The following TMTC4 variants were observed in gnomAD, a reference collection of about 807,000 sequenced individuals.
The protein encoded by TMTC4 is transmembrane O-mannosyltransferase targeting cadherins 4, also known as protein O-mannosyl-transferase TMTC4.
TMTC4 carries 65 observed loss-of-function variants against 86.0 expected under a neutral mutation model. That is an observed-to-expected ratio of 0.76 (90% CI 0.62 to 0.93). The LOEUF is 0.93. TMTC4 is among the 40% of genes least tolerant of loss of function. TMTC4 has a pLI of 0.00. For missense variants in TMTC4, 866 were observed against 948.1 expected, an observed-to-expected ratio of 0.91 and a Z score of 1.14; for synonymous variants, 379 against 382.5, an observed-to-expected ratio of 0.99 and a Z score of 0.11.
Position 100,622,599 on chromosome 13 carries a change from A to T in TMTC4, c.1836+2936T>A, listed in dbSNP as rs545393001. 2.6e-5 allele frequency among the ~76,000 whole-genome samples: 4 copies of T among 152,222 alleles called. No individual in the cohort carries two copies. In the South Asian group the frequency reaches 8.3e-4, roughly 32 times the overall value. On this transcript the variant is annotated intron_variant, in intron 15 of 18. Transcript: ENST00000342624. ...CTCTTATTTTCTTTTGTCTGCTGCCATGTAAGATGTGCCTTTCACCTTCCA... is the reference window on the plus strand; with the variant it reads ...CTCTTATTTTCTTTTGTCTGCTGCCTTGTAAGATGTGCCTTTCACCTTCCA...
Position 100,647,297 on chromosome 13 carries a change from C to T in TMTC4, c.641-4986G>A, listed in dbSNP as rs189925823. On this transcript the variant is annotated intron_variant, in intron 6 of 18. Transcript: ENST00000342624. ...AGAGCAAGAGACCCCTGGCCCCTGCCGGCCACTCTAGACCCAGCACGAGGA... is the reference window on the plus strand; with the variant it reads ...AGAGCAAGAGACCCCTGGCCCCTGCTGGCCACTCTAGACCCAGCACGAGGA... Among the ~76,000 whole-genome samples, 178 of 152,320 alleles carry T rather than the reference C, an allele frequency of 1.2e-3. 2 individuals carry two copies. Among genetic ancestry groups the T allele is most frequent in the Admixed American group, 9.1e-3 (140 of 15,302 alleles).
chr13:100,620,233 G>T (rs1328067819), intron 15 of TMTC4, among the ~76,000 whole-genome samples: 1 of 152,160 alleles, frequency 6.6e-6, no homozygotes, highest in Non-Finnish European at 1.5e-5. Context: ...TCACCCTTTT[G>T]TTCTGTTCTG....
chr13:100,610,800 A>G (rs567182654), intron 17 of TMTC4, among the ~76,000 whole-genome samples: 1 of 152,334 alleles, frequency 6.6e-6, no homozygotes, highest in East Asian at 1.9e-4. Flanking sequence ...AGTCTTCAAG[A>G]AGACTCGCTG....
intron 6 of TMTC4, among the ~76,000 whole-genome samples, chr13:100,651,196 G>GT: frequency 6.6e-6 from 1 of 152,230 alleles, no homozygotes; most frequent in African/African-American, 2.4e-5. Flanking sequence ...GTATTTTAAG[G>GT]TATCAGTTTA....
At chr13:100,662,585 CT>C (rs968278146) in intron 5 of TMTC4, among the ~76,000 whole-genome samples, 49 of 152,274 alleles carry the variant, frequency 3.2e-4, no homozygotes, top group African/African-American at 1.2e-3. Context: ...AAGAACAGTT[CT>C]TAGCCTCTGA....
chr13:100,656,295 G>A, intron 6 of TMTC4, 86 bp downstream of exon 6: 1 of 1,174,858 alleles, frequency 8.5e-7, no homozygotes, highest in Non-Finnish European at 1.2e-6. Flanking sequence ...CACATAGATG[G>A]ATTCTTTCCC....
intron 12 of TMTC4, among the ~76,000 whole-genome samples, chr13:100,629,657 CTTTTTA>C (rs1316116659): frequency 6.6e-6 from 1 of 152,120 alleles, no homozygotes; most frequent in African/African-American, 2.4e-5. Context: ...AATCACATTT[CTTTTTA>C]TATGTTATTG....
At chr13:100,608,528 C>T (rs958164101) in intron 17 of TMTC4, among the ~76,000 whole-genome samples, 2 of 152,132 alleles carry the variant, frequency 1.3e-5, no homozygotes, top group African/African-American at 4.8e-5. Context: ...GTGGGTGGGT[C>T]GGCCTGGCTC....
At chr13:100,616,053 A>G (rs980971183) in intron 15 of TMTC4, among the ~76,000 whole-genome samples, 1 of 148,592 alleles carries the variant, frequency 6.7e-6, no homozygotes, top group African/African-American at 2.5e-5. Context: ...TGTTGCTGCA[A>G]AGGACATGAT....
At chr13:100,614,827 G>A (rs1361164558) in intron 15 of TMTC4, 3 of 698,290 alleles carry the variant, frequency 4.3e-6, no homozygotes, top group Non-Finnish European at 5.3e-6. Context: ...CTCATCATTA[G>A]TCTTTTTCAC....
At chr13:100,644,729 G>A (rs2138928150) in intron 6 of TMTC4, among the ~76,000 whole-genome samples, 1 of 152,334 alleles carries the variant, frequency 6.6e-6, no homozygotes, top group Non-Finnish European at 1.5e-5. Context: ...TATTATAGCT[G>A]AGGCACTTTA....
upstream of TMTC4, chr13:100,675,059 C>G: frequency 5.1e-6 from 5 of 985,708 alleles, no homozygotes; most frequent in Non-Finnish European, 4.8e-6. Context: ...GGCGCAGGGA[C>G]AGACGGACCC....
chr13:100,641,336 G>A (rs758182963), intron 7 of TMTC4, among the ~76,000 whole-genome samples: 15 of 152,176 alleles, frequency 9.9e-5, no homozygotes, highest in African/African-American at 2.7e-4. Flanking sequence ...TGGTTCCAGC[G>A]TTGCTTGAAG....
At chr13:100,656,312 T>C (rs1201658885) in intron 6 of TMTC4, 69 bp downstream of exon 6, 1 of 1,398,440 alleles carries the variant, frequency 7.2e-7, no homozygotes, top group Middle Eastern at 1.9e-4. Context: ...TCCCGTATGT[T>C]AAGACACTGC....
Position 100,664,188 on chromosome 13 carries a change from G to T in TMTC4, c.335+33C>A, listed in dbSNP as rs753155227. On this transcript the variant is annotated intron_variant, in intron 4 of 18. Transcript: ENST00000342624. ...CCAATGTCACACACAAGCTGGGAGGGACCTTCCCAGGCCCTTCAATGTCAC... is the reference window on the plus strand; with the variant it reads ...CCAATGTCACACACAAGCTGGGAGGTACCTTCCCAGGCCCTTCAATGTCAC... 4 of 1,556,794 alleles carry T rather than the reference G, an allele frequency of 2.6e-6. No individual in the cohort carries two copies. The Admixed American group carries it at 7.4e-5, about 29-fold the overall frequency.
Position 100,612,361 on chromosome 13 carries a change from A to T in TMTC4, c.2064+37T>A, listed in dbSNP as rs765677159. 7.5e-6 allele frequency: 11 copies of T among 1,474,624 alleles called. No homozygotes were observed. In the East Asian group the frequency reaches 2.5e-4, roughly 34 times the overall value. The allele number at this position is 1,474,624 out of a possible 1,614,324, so 91.3% of individuals were successfully genotyped here. ...CTTACGTCTTCTGTCAGATGCTGGC[A>T]CTAACTGCAAGAACTCACAGCCTGC... On this transcript the variant is annotated intron_variant, in intron 17 of 18. Coordinates refer to ENST00000342624, the MANE Select transcript of TMTC4 (RefSeq NM_032813.5).
At chr13:100,626,445 T>C (rs778114980) in intron 12 of TMTC4, among the ~76,000 whole-genome samples, 1 of 152,214 alleles carries the variant, frequency 6.6e-6, no homozygotes, top group Non-Finnish European at 1.5e-5. Flanking sequence ...CTGGGCTTTT[T>C]AAAATTTTAC....
intron 12 of TMTC4, among the ~76,000 whole-genome samples, chr13:100,634,443 G>A (rs1035618856): frequency 1.3e-5 from 2 of 152,096 alleles, no homozygotes; most frequent in Admixed American, 6.6e-5. Context: ...TTTGAAAAGT[G>A]TGCTCTAGAC....
At chr13:100,617,203 T>A (rs538614797) in intron 15 of TMTC4, among the ~76,000 whole-genome samples, 27 of 152,128 alleles carry the variant, frequency 1.8e-4, no homozygotes, top group Non-Finnish European at 3.2e-4. Flanking sequence ...GTGTGACCAG[T>A]GGCTCACTAC....
Sources: allele counts gnomAD v4.1 joint callset (sites outside exome capture counted in the v4.1 genomes callset), GRCh38; gene constraint gnomAD v4.1.1; transcripts MANE v1.5; gene names NCBI Gene and HGNC (gene_info 2026-07-23, HGNC 2026-07-21).